Variants in INVS observed in about 807,000 individuals in gnomAD.
INVS encodes inversin.
In INVS, 86 loss-of-function variants were observed where a neutral mutation model predicts 108.8. That is an observed-to-expected ratio of 0.79 (90% CI 0.66 to 0.95). The LOEUF (loss-of-function observed/expected upper bound fraction) is 0.95, where lower values mean the gene tolerates loss of function less well. Among genes scored for constraint, INVS ranks in the 40% least tolerant of loss-of-function variants. The pLI is 0.00. For missense variants in INVS, 1,169 were observed against 1,297.4 expected (o/e 0.90, Z 1.52); for synonymous variants, 455 against 473.5 (o/e 0.96, Z 0.51).
chr9:100,116,819 A>G (rs1827546394), intron 2 of INVS: 2 of 1,422,770 alleles, frequency 1.4e-6, no homozygotes, highest in Admixed American at 2.2e-5. Flanking sequence ...GGTCTTGACG[A>G]GTTGGTCAGT....
chr9:100,291,812 G>A (rs778066783), intron 13 of INVS, among the ~76,000 whole-genome samples: 1 of 152,198 alleles, frequency 6.6e-6, no homozygotes, highest in Non-Finnish European at 1.5e-5. Context: ...CTGGAGAGCA[G>A]ATTTTAAAAT....
chr9:100,119,236 T>C (rs1021912173), intron 2 of INVS, among the ~76,000 whole-genome samples: 1 of 152,240 alleles, frequency 6.6e-6, no homozygotes, highest in African/African-American at 2.4e-5. Context: ...ATTTTAAAAC[T>C]GCACATTCAT....
At chr9:100,101,398 C>T (rs1826986855) in intron 1 of INVS, 1 of 152,082 alleles carries the variant, frequency 6.6e-6, no homozygotes, top group Admixed American at 6.5e-5. Context: ...CATGTTTTCA[C>T]CTCCACCTCT....
intron 2 of INVS, among the ~76,000 whole-genome samples, chr9:100,122,245 T>C (rs1358759518): frequency 6.6e-6 from 1 of 152,238 alleles, no homozygotes; most frequent in African/African-American, 2.4e-5. Flanking sequence ...TTTTAGTGGT[T>C]CCAGCAATTA....
intron 3 of INVS, among the ~76,000 whole-genome samples, chr9:100,201,039 G>C (rs956551160): frequency 2.0e-5 from 3 of 152,200 alleles, no homozygotes; most frequent in Non-Finnish European, 4.4e-5. Flanking sequence ...CAGCTGCTAG[G>C]CTGGCTTGCC....
chr9:100,265,651 C>T (rs767263407), intron 11 of INVS, among the ~76,000 whole-genome samples: 3 of 152,140 alleles, frequency 2.0e-5, no homozygotes, highest in Non-Finnish European at 4.4e-5. Flanking sequence ...AGAGATGCCA[C>T]CATGTAGCAT....
chr9:100,284,458 C>A lies in INVS; in HGVS notation c.1923C>A (p.Ser641Arg), dbSNP rs1833370879. 1 of 1,614,182 alleles carries A rather than the reference C, an allele frequency of 6.2e-7. No individual in the cohort carries two copies. The highest frequency in any genetic ancestry group is 8.5e-7 in the Non-Finnish European group (1 of 1,180,020). The change falls in exon 13 of 17, where the codon AGC (serine) becomes AGA (arginine). Residue 641 changes from serine to arginine, a missense_variant. Physicochemically the swap from Ser to Arg is moderately radical, Grantham distance 110 (BLOSUM62 -1). Around this residue, in one of 3 missense-constraint regions of INVS, gnomAD observed 533 missense variants for 536.0 expected, o/e 0.99. Coordinates refer to ENST00000262457, the MANE Select transcript of INVS (RefSeq NM_014425.5). ...CCAGCAGGCAGAGCCGGGCCCCCAG[C>A]AAGCAGCCTCCTGCTGGCAACGTGG... is the stretch of plus-strand genomic sequence containing the variant. ...DVPSRQSRAP[S>R]KQPPAGNVAQ...
At chr9:100,266,993 G>C (rs1465558197) in intron 11 of INVS, among the ~76,000 whole-genome samples, 6 of 128,704 alleles carry the variant, frequency 4.7e-5, no homozygotes, top group African/African-American at 1.8e-4. Flanking sequence ...TAGAGGGAGA[G>C]CTGAAGATGT....
intron 3 of INVS, among the ~76,000 whole-genome samples, chr9:100,206,698 C>T (rs1489128224): frequency 2.0e-5 from 3 of 151,846 alleles, no homozygotes; most frequent in African/African-American, 7.3e-5. Context: ...AAAAATCTTA[C>T]TTAGATTTTG....
intron 3 of INVS, among the ~76,000 whole-genome samples, chr9:100,221,599 A>G (rs572177055): frequency 3.9e-5 from 6 of 152,288 alleles, no homozygotes; most frequent in South Asian, 2.1e-4. Flanking sequence ...CTCCTCCCCA[A>G]GGTACCTGCT....
chr9:100,216,311 T>C (rs1588095035), intron 3 of INVS, among the ~76,000 whole-genome samples: 1 of 152,086 alleles, frequency 6.6e-6, no homozygotes, highest in African/African-American at 2.4e-5. Flanking sequence ...TTTCAGCCCA[T>C]TGGGCTAACT....
At chr9:100,295,984 C>T in intron 14 of INVS, among the ~76,000 whole-genome samples, 1 of 152,166 alleles carries the variant, frequency 6.6e-6, no homozygotes. Flanking sequence ...CCCTCCAGGA[C>T]AGAAGGAAGA....
chr9:100,204,263 G>A (rs1309015822), intron 3 of INVS, among the ~76,000 whole-genome samples: 1 of 152,128 alleles, frequency 6.6e-6, no homozygotes, highest in African/African-American at 2.4e-5. Context: ...TGACAAGTTA[G>A]ACCTATAGCA....
chr9:100,257,538 G>C (rs551787040), intron 10 of INVS, among the ~76,000 whole-genome samples: 1 of 152,266 alleles, frequency 6.6e-6, no homozygotes, highest in East Asian at 1.9e-4. Flanking sequence ...TTTTGTAGTG[G>C]CTAGTACCAG....
At chr9:100,149,576 G>A (rs1828743359) in intron 3 of INVS, among the ~76,000 whole-genome samples, 1 of 152,160 alleles carries the variant, frequency 6.6e-6, no homozygotes, top group South Asian at 2.1e-4. Context: ...TTCCAGTTTA[G>A]AAGGTGCTTT....
At chr9:100,178,226 C>T (rs1300922491) in intron 3 of INVS, among the ~76,000 whole-genome samples, 1 of 152,128 alleles carries the variant, frequency 6.6e-6, no homozygotes, top group East Asian at 1.9e-4. Context: ...TCTTCTTCTG[C>T]AAAGGATCAC....
At chr9:100,253,195 T>A in intron 10 of INVS, 59 bp downstream of exon 10, 4 of 1,346,698 alleles carry the variant, frequency 3.0e-6, no homozygotes, top group Non-Finnish European at 4.2e-6. Context: ...ATTTCTTCTT[T>A]GTTGTAAACA....
At chr9:100,119,899 T>C (rs1454548052) in intron 2 of INVS, among the ~76,000 whole-genome samples, 1 of 152,214 alleles carries the variant, frequency 6.6e-6, no homozygotes, top group Non-Finnish European at 1.5e-5. Flanking sequence ...GTCAACCTTA[T>C]TGTTTCTCTA....
chr9:100,226,225 A>C lies in INVS; in HGVS notation c.437A>C (p.Asp146Ala), dbSNP rs766778206. 6.2e-7 allele frequency: 1 copy of C among 1,613,790 alleles called. No individual in the cohort carries two copies. The highest frequency in any genetic ancestry group is 8.5e-7 in the Non-Finnish European group (1 of 1,179,906). ...FMAPGEVDTQ[D>A]KNKQTALHWS... ...GCACCAGGAGAAGTGGATACACAGG[A>C]TAAAAACAAGGTAATGGATACTCAA... The change falls in exon 4 of 17, where the codon GAT (aspartate) becomes GCT (alanine). Residue 146 changes from aspartate (D) to alanine (A), a missense_variant. Coordinates refer to ENST00000262457, the MANE Select transcript of INVS (RefSeq NM_014425.5).
Sources: allele counts gnomAD v4.1 joint callset (sites outside exome capture counted in the v4.1 genomes callset), GRCh38; gene constraint gnomAD v4.1.1; regional missense constraint gnomAD v4.1.1; transcripts MANE v1.5; gene names NCBI Gene and HGNC (gene_info 2026-07-23, HGNC 2026-07-21).